The following RBFOX1 variants were observed in gnomAD, a reference collection of about 807,000 sequenced individuals.
The protein encoded by RBFOX1 is RNA binding fox-1 homolog 1, also known as RNA binding protein fox-1 homolog 1.
A neutral mutation model predicts 57.7 loss-of-function variants in RBFOX1; 8 were observed. The ratio of observed to expected loss-of-function variants is 0.14; its 90% CI spans 0.08 to 0.25. The LOEUF (loss-of-function observed/expected upper bound fraction) is 0.25. RBFOX1 is among the 10% of genes least tolerant of loss of function. The pLI is 1.00. For missense variants in RBFOX1, 611 were observed against 548.5 expected (o/e 1.11, Z -1.14); for synonymous variants, 326 against 222.4 (o/e 1.47, Z -4.15).
Position 7,712,891 on chromosome 16 carries a change from G to A in RBFOX1, c.*2146G>A, listed in dbSNP as rs900049030. 3.3e-5 allele frequency: 5 copies of A among 152,172 alleles called. No homozygotes were observed. The highest frequency in any genetic ancestry group is 1.9e-4 in the East Asian group (1 of 5,194). 9.4% of individuals were successfully genotyped at this position (152,172 alleles called of 1,614,324 possible). A position where few individuals can be genotyped will look rare whatever the true frequency, so the allele number is the denominator to read the frequency against. On this transcript the variant is annotated 3_prime_UTR_variant, in exon 16 of 16. Transcript: ENST00000550418. ...ATCACAAACATAGAATTCTTACTGT[G>A]TTGGTTAAAGTAAAATTCATTTGCA...
At chr16:5,700,474 A>T (rs1484095658) in intron 3 of RBFOX1, among the ~76,000 whole-genome samples, 1 of 152,156 alleles carries the variant, frequency 6.6e-6, no homozygotes, top group Non-Finnish European at 1.5e-5. Context: ...CATGAAGTCT[A>T]CGTGTCTTTC....
At chr16:6,252,986 A>G (rs1208311121) in intron 1 of RBFOX1, among the ~76,000 whole-genome samples, 1 of 152,186 alleles carries the variant, frequency 6.6e-6, no homozygotes, top group Middle Eastern at 3.2e-3. Flanking sequence ...TCTTCGTAAT[A>G]TCTCTGTGAG....
chr16:7,556,331 T>C (rs2152602864), intron 5 of RBFOX1, among the ~76,000 whole-genome samples: 1 of 152,250 alleles, frequency 6.6e-6, no homozygotes, highest in South Asian at 2.1e-4. Flanking sequence ...ATGCTTCCCC[T>C]CCATTTCATT....
chr16:6,194,215 G>C (rs1167234983), intron 1 of RBFOX1, among the ~76,000 whole-genome samples: 1 of 152,072 alleles, frequency 6.6e-6, no homozygotes, highest in Non-Finnish European at 1.5e-5. Context: ...CTCAACCTGA[G>C]GTCCTGCATT....
intron 4 of RBFOX1, among the ~76,000 whole-genome samples, chr16:7,218,343 G>T (rs1336455966): frequency 6.6e-6 from 1 of 152,160 alleles, no homozygotes; most frequent in Non-Finnish European, 1.5e-5. Flanking sequence ...ATTGTTTTCT[G>T]GTTTTCACCT....
intron 4 of RBFOX1, among the ~76,000 whole-genome samples, chr16:7,385,708 T>C (rs1483107261): frequency 6.6e-6 from 1 of 152,118 alleles, no homozygotes; most frequent in Admixed American, 6.6e-5. Context: ...AAGAGGTGGG[T>C]TTGTCATGGT....
rs1313162812 is a variant in RBFOX1 at position 7,669,635 on chromosome 16, C to G, written c.930+4667C>G. ...CTGTATAACAAGTTTCTGGTTAACA[C>G]CATGGCTAAACACAATTATTTCTGA... On this transcript the variant is annotated intron_variant, in intron 13 of 15. Transcript: ENST00000550418. Among the ~76,000 whole-genome samples the G allele has an allele frequency of 2.7e-5, 4 of 148,028 alleles. No homozygotes were observed. The East Asian group carries it at 5.8e-4, about 21-fold the overall frequency.
At chr16:5,364,577 C>T (rs2065652646) in intron 1 of RBFOX1, among the ~76,000 whole-genome samples, 1 of 152,194 alleles carries the variant, frequency 6.6e-6, no homozygotes, top group Non-Finnish European at 1.5e-5. Flanking sequence ...ATACTTACTC[C>T]ATTCTCTATC....
chr16:5,528,391 A>G (rs1427132531), intron 2 of RBFOX1, among the ~76,000 whole-genome samples: 2 of 151,980 alleles, frequency 1.3e-5, no homozygotes, highest in African/African-American at 4.8e-5. Flanking sequence ...TGTGTTGCAC[A>G]TTTACGTTGT....
chr16:5,754,388 T>TG (rs1299092227), intron 3 of RBFOX1, among the ~76,000 whole-genome samples: 1 of 152,162 alleles, frequency 6.6e-6, no homozygotes, highest in South Asian at 2.1e-4. Flanking sequence ...TGATGATTGA[T>TG]GTGGGGGTGG....
At chr16:6,986,291 C>G (rs971108801) in intron 3 of RBFOX1, among the ~76,000 whole-genome samples, 3 of 152,008 alleles carry the variant, frequency 2.0e-5, no homozygotes, top group African/African-American at 4.8e-5. Context: ...ACCTGTGCCT[C>G]CCGGGTTCAA....
chr16:5,981,293 A>G (rs750039270), intron 4 of RBFOX1, among the ~76,000 whole-genome samples: 3 of 152,220 alleles, frequency 2.0e-5, no homozygotes, highest in Non-Finnish European at 4.4e-5. Context: ...GAGAGCTGGC[A>G]TCTACAAATG....
chr16:7,580,889 G>A (rs1014801231), intron 6 of RBFOX1, among the ~76,000 whole-genome samples: 1 of 152,162 alleles, frequency 6.6e-6, no homozygotes, highest in South Asian at 2.1e-4. Flanking sequence ...ATTTGACTTA[G>A]AGCAATGGTG....
At chr16:7,539,267 G>C (rs74010592) in intron 5 of RBFOX1, among the ~76,000 whole-genome samples, 7,074 of 152,194 alleles carry the variant, frequency 0.046, 512 homozygotes, top group African/African-American at 0.16. Flanking sequence ...CCTTCTCTGA[G>C]GAAGGGTCGG....
At chr16:5,709,535 G>A (rs1177544574) in intron 3 of RBFOX1, among the ~76,000 whole-genome samples, 2 of 151,818 alleles carry the variant, frequency 1.3e-5, no homozygotes, top group East Asian at 1.9e-4. Flanking sequence ...TGGCCTGTAT[G>A]TGTCGATTAT....
chr16:6,628,674 A>G (rs571987217), intron 2 of RBFOX1, among the ~76,000 whole-genome samples: 2 of 152,322 alleles, frequency 1.3e-5, no homozygotes, highest in Admixed American at 6.5e-5. Flanking sequence ...TTTCTGAGGT[A>G]AAATTTATTG....
intron 2 of RBFOX1, among the ~76,000 whole-genome samples, chr16:5,473,844 A>G (rs527414698): frequency 1.4e-5 from 2 of 145,352 alleles, no homozygotes; most frequent in East Asian, 4.3e-4. Flanking sequence ...GTGGGTGGAT[A>G]GATGGATGGA....
intron 4 of RBFOX1, among the ~76,000 whole-genome samples, chr16:7,321,246 G>C (rs2143017057): frequency 6.6e-6 from 1 of 152,204 alleles, no homozygotes; most frequent in South Asian, 2.1e-4. Context: ...CTGGGTTAAA[G>C]CGATTGTCCT....
chr16:6,326,633 C>G (rs527940741), intron 2 of RBFOX1, among the ~76,000 whole-genome samples: 1 of 152,078 alleles, frequency 6.6e-6, no homozygotes, highest in East Asian at 2.0e-4. Context: ...CCACCAAGTC[C>G]ATAAACCTGC....
Sources: gnomAD v4.1 joint callset for allele counts (sites outside exome capture counted in the v4.1 genomes callset) on GRCh38, gnomAD v4.1.1 for gene constraint, MANE v1.5 for transcripts, NCBI Gene and HGNC (gene_info 2026-07-23, HGNC 2026-07-21) for gene names.